The following ABHD8 variants were observed in gnomAD, a reference collection of about 807,000 sequenced individuals.
The protein encoded by ABHD8 is protein ABHD8.
ABHD8 carries 10 observed loss-of-function variants against 29.3 expected under a neutral mutation model. That is an observed-to-expected ratio of 0.34 (90% CI 0.21 to 0.58). The LOEUF (loss-of-function observed/expected upper bound fraction) is 0.58. Among genes scored for constraint, ABHD8 ranks in the 20% least tolerant of loss-of-function variants. ABHD8 has a pLI of 0.85. For synonymous variants in ABHD8, 282 were observed against 274.6 expected, an observed-to-expected ratio of 1.03 and a Z score of -0.27; for missense variants, 556 against 615.3, an observed-to-expected ratio of 0.90 and a Z score of 1.02.
At chr19:17,299,357 C>G (rs1438781059) in intron 2 of ABHD8, among the ~76,000 whole-genome samples, 1 of 151,406 alleles carries the variant, frequency 6.6e-6, no homozygotes, top group Non-Finnish European at 1.5e-5. Context: ...GTCAGGAGAT[C>G]GAGACCATCC....
At position 17,294,679 on chromosome 19, in the gene ABHD8, G is replaced by A; in HGVS notation, c.928C>T (p.Leu310Phe). 1 of 1,613,782 alleles carries A rather than the reference G, an allele frequency of 6.2e-7. No individual in the cohort carries two copies. The highest frequency in any genetic ancestry group is 8.5e-7 in the Non-Finnish European group (1 of 1,179,872). Residue 310 changes from leucine to phenylalanine, a missense_variant, in exon 3 of 5, where the codon CTC becomes TTC. Transcript: ENST00000247706. ...CTTTGGGGTGGGGACACTCACTTGA[G>A]GAAGCTCCAGGCCAGGCAGGGCGAC... ...CLSPCLAWSF[L>F]KAGFARQGAK... is the part of the protein sequence containing the mutation.
chr19:17,293,998 C>T (rs150665425), intron 4 of ABHD8, among the ~76,000 whole-genome samples: 2 of 152,232 alleles, frequency 1.3e-5, no homozygotes, highest in East Asian at 3.9e-4. Flanking sequence ...ACAAATCCTC[C>T]GCTGTGAGGA....
In ABHD8 at chr19:17,294,408, G is replaced by A. The variant is rs753466792; in HGVS notation, c.1029C>T (p.Ser343=). The A allele has an allele frequency of 3.7e-6, 6 of 1,614,074 alleles. No homozygotes were observed. Among genetic ancestry groups the A allele is most frequent in the South Asian group, 1.1e-5 (1 of 91,092 alleles). ...CGTCGCCCTCGGGCCAGTACTGGCCGCTCATCATGGCCCGGAGTACGAAGG... is the reference window on the plus strand; with the variant it reads ...CGTCGCCCTCGGGCCAGTACTGGCCACTCATCATGGCCCGGAGTACGAAGG... ...VSSFVLRAMM[S]GQYWPEGDEV... The change falls in exon 4 of 5, where the codon AGC becomes AGT. Residue 343 remains serine (S), a synonymous_variant. Transcript: ENST00000247706.
chr19:17,300,990 G>A lies in ABHD8; in HGVS notation c.627C>T (p.Asp209=). 3 of 1,613,474 alleles carry A rather than the reference G, an allele frequency of 1.9e-6. No individual in the cohort carries two copies. Among genetic ancestry groups the A allele is most frequent in the South Asian group, 1.1e-5 (1 of 91,090 alleles). The change falls in exon 2 of 5, where the codon GAC becomes GAT. Residue 209 remains aspartate (D), a synonymous_variant. Coordinates refer to ENST00000247706, the MANE Select transcript of ABHD8 (RefSeq NM_024527.5). ...CAGAGCTGGCCCCGTGGCCGGCCAG[G>A]TCAGGAGCCACCACCTCATAGCCTA... ...VRLGYEVVAP[D]LAGHGASSAP...
chr19:17,296,800 T>C (rs1458273009), intron 2 of ABHD8: 1 of 151,884 alleles, frequency 6.6e-6, no homozygotes, highest in Non-Finnish European at 1.5e-5. Flanking sequence ...GTTCAAGTGA[T>C]TCTCCTGTCT....
intron 2 of ABHD8, among the ~76,000 whole-genome samples, chr19:17,298,589 G>A (rs1026111521): frequency 2.0e-5 from 3 of 152,012 alleles, no homozygotes; most frequent in Non-Finnish European, 4.4e-5. Flanking sequence ...AACTACTGAA[G>A]ACATTTTTGA....
rs147460934 is a variant in ABHD8 at position 17,294,279 on chromosome 19, C to T, written c.1149+9G>A. 162 of 1,595,546 alleles carry T rather than the reference C, an allele frequency of 1.0e-4. 3 individuals carry two copies. The East Asian group carries it at 3.5e-3, about 34-fold the overall frequency. On this transcript the variant is annotated intron_variant, in intron 4 of 4. Coordinates refer to ENST00000247706, the MANE Select transcript of ABHD8 (RefSeq NM_024527.5). ...TTGTAGCTGTGGCGCCCCAGGTGCC[C>T]GCCTCTACCTCGGCCATGCGCTGGT...
Position 17,294,864 on chromosome 19 carries a change from G to T in ABHD8, c.762-19C>A, listed in dbSNP as rs1267963797. The T allele has an allele frequency of 1.2e-6, 2 of 1,608,522 alleles. No homozygotes were observed. Among genetic ancestry groups the T allele is most frequent in the Non-Finnish European group, 1.7e-6 (2 of 1,175,410 alleles). On this transcript the variant is annotated intron_variant, in intron 2 of 4. Transcript: ENST00000247706. ...AGAGACACTGCCCGGAACGGGTGGG[G>T]TGATAGGAGGATTGAAGGGAGGCGG... is the stretch of plus-strand genomic sequence containing the variant.
In ABHD8 at chr19:17,301,272, G is replaced by A. The variant is rs768184815; in HGVS notation, c.345C>T (p.Ala115=). The A allele has an allele frequency of 9.2e-5, 148 of 1,603,402 alleles. 1 individual carries two copies. The highest frequency in any genetic ancestry group is 1.7e-4 in the Admixed American group (10 of 59,672). The change falls in exon 2 of 5, where the codon GCC becomes GCT. Residue 115 remains alanine (A), a synonymous_variant. Coordinates refer to ENST00000247706, the MANE Select transcript of ABHD8 (RefSeq NM_024527.5). The stretch of plus-strand genomic sequence containing the variant: ...GATCTGCCAGCTCCACCTCCAGGGC[G>A]GCCGGCGGCTCCCCAGAGCCATTCT... ...HGQNGSGEPP[A]ALEVELADPA...
In ABHD8 at chr19:17,301,518, G is replaced by A; in HGVS notation, c.99C>T (p.Tyr33=). The change falls in exon 2 of 5, where the codon TAC becomes TAT. Residue 33 remains tyrosine, a synonymous_variant. Coordinates refer to ENST00000247706, the MANE Select transcript of ABHD8 (RefSeq NM_024527.5). ...PLESVESSDG[Y]TFVEVKPGRV... The stretch of plus-strand genomic sequence containing the variant: ...GGCCGGGCTTGACCTCTACAAAGGT[G>A]TAGCCATCGCTGGACTCGACGCTCT... The A allele has an allele frequency of 6.2e-7, 1 of 1,611,046 alleles. No individual in the cohort carries two copies. The highest frequency in any genetic ancestry group is 8.5e-7 in the Non-Finnish European group (1 of 1,179,242).
chr19:17,301,774 G>T, intron 1 of ABHD8, 150 bp from the exon 2 acceptor site: 1 of 772,298 alleles, frequency 1.3e-6, no homozygotes, highest in Non-Finnish European at 1.8e-6. Context: ...AGATTTTTTT[G>T]TTTGTGTGTG....
chr19:17,296,563 G>A (rs2074094503), intron 2 of ABHD8: 1 of 152,202 alleles, frequency 6.6e-6, no homozygotes, highest in African/African-American at 2.4e-5. Context: ...GGCCTGAGAA[G>A]CCCCCAAAGC....
At chr19:17,301,738 GC>G in intron 1 of ABHD8, 114 bp from the exon 2 acceptor site, 1 of 1,260,640 alleles carries the variant, frequency 7.9e-7, no homozygotes, top group Non-Finnish European at 1.0e-6. Context: ...TTTGGGGAGC[GC>G]CAGATCAAGT....
chr19:17,301,188 G>A lies in ABHD8; in HGVS notation c.429C>T (p.Gly143=). Residue 143 remains glycine (G), a synonymous_variant, in exon 2 of 5, where the codon GGC becomes GGT. Coordinates refer to ENST00000247706, the MANE Select transcript of ABHD8 (RefSeq NM_024527.5). ...TGGCTCGCCGCCGCCGCCCACCACT[G>A]CCACTGCCGCTGCCGCTGCCTGCGC... is the stretch of plus-strand genomic sequence containing the variant. The part of the protein sequence containing the change: ...PGSAGSGSGS[G]SGGRRRRARR... 1.9e-6 allele frequency: 3 copies of A among 1,605,030 alleles called. No individual in the cohort carries two copies. Among genetic ancestry groups the A allele is most frequent in the Non-Finnish European group, 2.5e-6 (3 of 1,177,926 alleles).
At chr19:17,300,773 C>T in intron 2 of ABHD8, 83 bp downstream of exon 2, 1 of 1,485,592 alleles carries the variant, frequency 6.7e-7, no homozygotes, top group Non-Finnish European at 9.0e-7. Flanking sequence ...CCACGGGGCT[C>T]AGCCAAAAAC....
At chr19:17,295,090 ATTTTTTTTTTTTTT>A (rs779607230) in intron 2 of ABHD8, among the ~76,000 whole-genome samples, 1 of 80,412 alleles carries the variant, frequency 1.2e-5, no homozygotes, top group Admixed American at 1.7e-4. Flanking sequence ...CACCCAGGTA[ATTTTTTTTTTTTTT>A]TTTTTTTTTT....
chr19:17,293,592 GAC>G (rs2074080475), intron 4 of ABHD8, among the ~76,000 whole-genome samples: 1 of 151,938 alleles, frequency 6.6e-6, no homozygotes, highest in Non-Finnish European at 1.5e-5. Flanking sequence ...CCTCAGTCGT[GAC>G]ACCTAAAAAT....
chr19:17,301,572 G>A lies in ABHD8; in HGVS notation c.45C>T (p.Gly15=), dbSNP rs777686823. The change falls in exon 2 of 5, where the codon GGC becomes GGT. Residue 15 remains glycine, a synonymous_variant. Coordinates refer to ENST00000247706, the MANE Select transcript of ABHD8 (RefSeq NM_024527.5). ...VTDGIFCCLL[G]TPPNAVGPLE... ...GTGGCCCCACGGCGTTGGGGGGCGT[G>A]CCCAGCAGGCAACAGAAGATACCGT... 1 of 1,593,392 alleles carries A rather than the reference G, an allele frequency of 6.3e-7. No individual in the cohort carries two copies. Among genetic ancestry groups the A allele is most frequent in the Non-Finnish European group, 8.6e-7 (1 of 1,168,810 alleles).
At position 17,293,126 on chromosome 19, in the gene ABHD8, T is replaced by C. The variant is rs149276753; in HGVS notation, c.1150-295A>G. On this transcript the variant is annotated intron_variant, in intron 4 of 4. Coordinates refer to ENST00000247706, the MANE Select transcript of ABHD8 (RefSeq NM_024527.5). The stretch of plus-strand genomic sequence containing the variant: ...TTTTTTTTTTTTTGAGACAGAGTCT[T>C]GCTCTGTCACCCAGGCTGGAGTGCA... Among the ~76,000 whole-genome samples the C allele has an allele frequency of 4.4e-3, 663 of 150,130 alleles. 2 individuals are homozygous for C. Among genetic ancestry groups the C allele is most frequent in the Middle Eastern group, 0.028 (8 of 290 alleles).
Sources: allele counts gnomAD v4.1 joint callset (sites outside exome capture counted in the v4.1 genomes callset), GRCh38; gene constraint gnomAD v4.1.1; transcripts MANE v1.5; gene names NCBI Gene and HGNC (gene_info 2026-07-23, HGNC 2026-07-21).